UTRN: variants seen among roughly 807,000 people sequenced by gnomAD.
UTRN encodes utrophin.
Under a neutral mutation model 463.9 loss-of-function variants are expected in UTRN, and 283 were observed. The observed-to-expected ratio is 0.61, with a 90% CI of 0.55 to 0.67. The LOEUF is 0.67. Among genes scored for constraint, UTRN ranks in the 30% least tolerant of loss-of-function variants. The pLI is 0.00. For synonymous variants in UTRN, 1,442 were observed against 1,431.5 expected, an observed-to-expected ratio of 1.01 and a Z score of -0.17; for missense variants, 3,922 against 4,084.3, an observed-to-expected ratio of 0.96 and a Z score of 1.08.
rs201803430 is a variant in UTRN at position 144,516,381 on chromosome 6, T to C, written c.5397T>C (p.Asp1799=). Residue 1799 remains aspartate, a synonymous_variant, in exon 38 of 75, where the codon GAT becomes GAC. Coordinates refer to ENST00000367545, the MANE Select transcript of UTRN (RefSeq NM_007124.3). ...AACACTTGGAATCCAGTGATGAAGA[T>C]GAAAAGGTTGGTTCAAGGAGATTTC... ...VEKHLESSDE[D]EKMDEESAQI... is the part of the protein sequence containing the mutation. 2.0e-5 allele frequency: 33 copies of C among 1,612,450 alleles called. No homozygotes were observed. Among genetic ancestry groups the C allele is most frequent in the African/African-American group, 1.2e-4 (9 of 74,790 alleles).
At chr6:144,720,658 C>T (rs1215217587) in intron 53 of UTRN, among the ~76,000 whole-genome samples, 3 of 152,206 alleles carry the variant, frequency 2.0e-5, no homozygotes, top group African/African-American at 4.8e-5. Context: ...TGAGAGACTA[C>T]ATTACCTTCA....
chr6:144,662,809 T>C (rs1780002597), intron 51 of UTRN, among the ~76,000 whole-genome samples: 1 of 152,204 alleles, frequency 6.6e-6, no homozygotes, highest in African/African-American at 2.4e-5. Flanking sequence ...TCAGCATAAC[T>C]TTAAGACAGC....
chr6:144,410,792 GTA>G (rs1244604194), intron 3 of UTRN, among the ~76,000 whole-genome samples: 3 of 127,662 alleles, frequency 2.3e-5, no homozygotes, highest in South Asian at 2.3e-4. Flanking sequence ...TCCATGGTGT[GTA>G]TATGTGTGTG....
chr6:144,567,437 T>C (rs1236253052), intron 50 of UTRN, among the ~76,000 whole-genome samples: 1 of 152,142 alleles, frequency 6.6e-6, no homozygotes, highest in Non-Finnish European at 1.5e-5. Flanking sequence ...AATGGCTCTG[T>C]GGTCTTGACT....
At chr6:144,428,722 C>T (rs1785523622) in intron 7 of UTRN, 56 bp from the exon 8 acceptor site, 3 of 956,954 alleles carry the variant, frequency 3.1e-6, no homozygotes, top group Admixed American at 2.7e-5. Flanking sequence ...TATAACAATG[C>T]CTACTTTGTT....
chr6:144,300,634 C>T (rs1805155037), intron 2 of UTRN, among the ~76,000 whole-genome samples: 1 of 152,106 alleles, frequency 6.6e-6, no homozygotes, highest in African/African-American at 2.4e-5. Flanking sequence ...TATTTGAGAT[C>T]ACATCTCAAA....
intron 62 of UTRN, among the ~76,000 whole-genome samples, chr6:144,793,340 C>T (rs1432262532): frequency 6.6e-6 from 1 of 151,744 alleles, no homozygotes; most frequent in Non-Finnish European, 1.5e-5. Context: ...AAACTCCTGG[C>T]TCAAGTGATC....
rs59892317 is a variant in UTRN at position 144,351,929 on chromosome 6, C to T, written c.80-51194C>T. Among the ~76,000 whole-genome samples, 1,336 of 152,250 alleles carry T rather than the reference C, an allele frequency of 8.8e-3. 74 individuals are homozygous for T. In the East Asian group the frequency reaches 0.16, roughly 18 times the overall value. ...CTCTGAGAAGCAACTCCTATCACAC[C>T]GACACTGCTACTTTTCTCCTGGCTC... On this transcript the variant is annotated intron_variant, in intron 2 of 74. Coordinates refer to ENST00000367545, the MANE Select transcript of UTRN (RefSeq NM_007124.3).
At chr6:144,435,852 T>C (rs1022688102) in intron 9 of UTRN, 83 bp from the exon 10 acceptor site, 77 of 1,463,122 alleles carry the variant, frequency 5.3e-5, no homozygotes, top group Middle Eastern at 4.9e-4. Context: ...GTGGGTACTT[T>C]GGGTTCGCCA....
chr6:144,339,585 G>A (rs2114626402), intron 2 of UTRN, among the ~76,000 whole-genome samples: 1 of 151,926 alleles, frequency 6.6e-6, no homozygotes, highest in South Asian at 2.1e-4. Context: ...TCTTTTATAA[G>A]TCTAAAATTA....
At chr6:144,526,771 A>G (rs902095892) in intron 41 of UTRN, among the ~76,000 whole-genome samples, 4 of 81,214 alleles carry the variant, frequency 4.9e-5, no homozygotes, top group African/African-American at 1.9e-4. Flanking sequence ...TCATTTTGTT[A>G]TTGTTAATAG....
chr6:144,500,113 C>T (rs1320878482), intron 34 of UTRN, among the ~76,000 whole-genome samples: 1 of 152,082 alleles, frequency 6.6e-6, no homozygotes, highest in Non-Finnish European at 1.5e-5. Context: ...GTTTATTTTC[C>T]TTTGCCTATA....
chr6:144,378,490 G>A (rs774112246), intron 2 of UTRN, among the ~76,000 whole-genome samples: 3 of 152,216 alleles, frequency 2.0e-5, no homozygotes, highest in East Asian at 1.9e-4. Context: ...CCAGAAGTCC[G>A]CTCTGAAGAG....
chr6:144,623,230 G>A (rs902089108), intron 51 of UTRN, among the ~76,000 whole-genome samples: 13 of 152,222 alleles, frequency 8.5e-5, no homozygotes, highest in East Asian at 7.7e-4. Flanking sequence ...GAGAAAGGTC[G>A]AAATAATTGA....
intron 2 of UTRN, among the ~76,000 whole-genome samples, chr6:144,384,879 A>G (rs1781272403): frequency 6.6e-6 from 1 of 152,218 alleles, no homozygotes. Flanking sequence ...GGATGTACAA[A>G]TATCTCTGAG....
intron 51 of UTRN, among the ~76,000 whole-genome samples, chr6:144,591,212 T>C (rs1803032415): frequency 6.6e-6 from 1 of 152,184 alleles, no homozygotes; most frequent in African/African-American, 2.4e-5. Context: ...TTCATGCCCC[T>C]GCAGACTTTG....
Position 144,519,956 on chromosome 6 carries a change from C to A in UTRN, c.5542-2024C>A, listed in dbSNP as rs574803859. 1.8e-4 allele frequency among the ~76,000 whole-genome samples: 28 copies of A among 152,152 alleles called. 1 individual carries two copies. The South Asian group carries it at 5.8e-3, about 32-fold the overall frequency. On this transcript the variant is annotated intron_variant, in intron 39 of 74. Transcript: ENST00000367545. Reference sequence around the variant, plus strand: ...GGCTCCCAACATTTACCTAATGGAGCAGATTAAAAAACAAATGTGGCATGT... The same window carrying A: ...GGCTCCCAACATTTACCTAATGGAGAAGATTAAAAAACAAATGTGGCATGT...
At chr6:144,324,894 T>C (rs1312960899) in intron 2 of UTRN, among the ~76,000 whole-genome samples, 2 of 152,230 alleles carry the variant, frequency 1.3e-5, no homozygotes, top group Non-Finnish European at 2.9e-5. Flanking sequence ...TTGCCAGGAT[T>C]GTTTGAGGTT....
At chr6:144,636,918 C>G (rs1360778625) in intron 51 of UTRN, among the ~76,000 whole-genome samples, 1 of 151,952 alleles carries the variant, frequency 6.6e-6, no homozygotes, top group East Asian at 1.9e-4. Flanking sequence ...TTATTGGTAA[C>G]TATTTTGTGA....
Sources: gnomAD v4.1 joint callset for allele counts (sites outside exome capture counted in the v4.1 genomes callset) on GRCh38, gnomAD v4.1.1 for gene constraint, MANE v1.5 for transcripts, NCBI Gene and HGNC (gene_info 2026-07-23, HGNC 2026-07-21) for gene names.